The following LGSN variants were observed in gnomAD, a reference collection of about 807,000 sequenced individuals.
LGSN encodes lengsin.
LGSN carries 21 observed loss-of-function variants against 19.5 expected under a neutral mutation model. That is an observed-to-expected ratio of 1.07 (90% CI 0.76 to 1.55). The LOEUF (loss-of-function observed/expected upper bound fraction) is 1.55. Ranked by LOEUF, LGSN falls within the 40% of genes most tolerant of loss-of-function variation. LGSN has a pLI of 0.00. For synonymous variants in LGSN, 257 were observed against 215.6 expected, an observed-to-expected ratio of 1.19 and a Z score of -1.68; for missense variants, 673 against 608.5, an observed-to-expected ratio of 1.11 and a Z score of -1.12.
At chr6:63,543,847 CCAAA>C in the LGSN span, among the ~76,000 whole-genome samples, 101 of 152,240 alleles carry the variant, frequency 6.6e-4, 2 homozygotes, top group Admixed American at 3.4e-3. Context: ...TTTTAGATCC[CCAAA>C]CAAAGTAGAT....
At chr6:63,348,778 G>A in the LGSN span, among the ~76,000 whole-genome samples, 1 of 149,144 alleles carries the variant, frequency 6.7e-6, no homozygotes, top group Non-Finnish European at 1.5e-5. Context: ...TAAAATAGAG[G>A]TGGGGTCTTG....
At chr6:63,347,405 T>C in the LGSN span, among the ~76,000 whole-genome samples, 3 of 152,246 alleles carry the variant, frequency 2.0e-5, no homozygotes, top group African/African-American at 7.2e-5. Flanking sequence ...AGGGTTATAA[T>C]AATATGGTTT....
At chr6:63,390,859 C>CAAAAA in the LGSN span, among the ~76,000 whole-genome samples, 16 of 50,108 alleles carry the variant, frequency 3.2e-4, no homozygotes, top group Admixed American at 4.6e-4. Flanking sequence ...GACTCCATCT[C>CAAAAA]AAAAAAAAAA....
the LGSN span, among the ~76,000 whole-genome samples, chr6:63,535,251 G>C: frequency 6.6e-6 from 1 of 152,098 alleles, no homozygotes; most frequent in Non-Finnish European, 1.5e-5. Context: ...AATCACTTGA[G>C]GCCAGGAGTT....
At chr6:63,356,742 G>A in the LGSN span, among the ~76,000 whole-genome samples, 2 of 152,052 alleles carry the variant, frequency 1.3e-5, no homozygotes, top group Non-Finnish European at 2.9e-5. Context: ...AATATAGGAT[G>A]TTAAGTGCCA....
At chr6:63,400,108 T>A in the LGSN span, among the ~76,000 whole-genome samples, 1 of 152,196 alleles carries the variant, frequency 6.6e-6, no homozygotes, top group African/African-American at 2.4e-5. Flanking sequence ...ATATTCAGTA[T>A]CGTGAAGATG....
At chr6:63,374,607 A>G in the LGSN span, among the ~76,000 whole-genome samples, 1 of 152,226 alleles carries the variant, frequency 6.6e-6, no homozygotes, top group African/African-American at 2.4e-5. Flanking sequence ...ACATTAGTTT[A>G]CTACTGCCAC....
the LGSN span, among the ~76,000 whole-genome samples, chr6:63,333,912 T>C: frequency 6.6e-6 from 1 of 152,344 alleles, no homozygotes; most frequent in Admixed American, 6.5e-5. Context: ...AAGCATTTGA[T>C]AAAATTCAAC....
the LGSN span, among the ~76,000 whole-genome samples, chr6:63,516,484 A>G: frequency 6.6e-6 from 1 of 152,184 alleles, no homozygotes; most frequent in Non-Finnish European, 1.5e-5. Flanking sequence ...AGTTTGAATG[A>G]TCTAGCTTTG....
At chr6:63,571,388 A>C in the LGSN span, 1 of 152,200 alleles carries the variant, frequency 6.6e-6, no homozygotes, top group Non-Finnish European at 1.5e-5. Flanking sequence ...AAGCAGGTAA[A>C]GGTCCTGTTT....
chr6:63,427,319 C>T, the LGSN span, among the ~76,000 whole-genome samples: 6 of 152,186 alleles, frequency 3.9e-5, no homozygotes, highest in Non-Finnish European at 8.8e-5. Context: ...GCTGGGATTA[C>T]AGGCATAAGC....
chr6:63,486,812 A>G, the LGSN span, among the ~76,000 whole-genome samples: 375 of 139,060 alleles, frequency 2.7e-3, 3 homozygotes, highest in African/African-American at 9.9e-3. Context: ...CAGTTTTTGT[A>G]TGTTTATTTT....
chr6:63,315,900 A>G (rs1415802015), intron 1 of LGSN, among the ~76,000 whole-genome samples: 3 of 151,954 alleles, frequency 2.0e-5, no homozygotes, highest in Non-Finnish European at 4.4e-5. Context: ...CCACATTTCA[A>G]GTGAGAGTTC....
chr6:63,458,253 G>A, the LGSN span, among the ~76,000 whole-genome samples: 1 of 152,162 alleles, frequency 6.6e-6, no homozygotes, highest in Non-Finnish European at 1.5e-5. Context: ...TTTTAGTATA[G>A]ACGGGGTCTC....
intron 1 of LGSN, among the ~76,000 whole-genome samples, chr6:63,306,309 A>T (rs1023942668): frequency 6.6e-6 from 1 of 152,236 alleles, no homozygotes; most frequent in Non-Finnish European, 1.5e-5. Context: ...GGTGCTTCCT[A>T]CATCACCATA....
At chr6:63,549,149 C>T in the LGSN span, 3,880 of 685,830 alleles carry the variant, frequency 5.7e-3, 26 homozygotes, top group Middle Eastern at 0.011. Flanking sequence ...CAGCAGCTTT[C>T]TTTTTGGCCA....
chr6:63,280,240 G>T lies in LGSN; in HGVS notation c.1311C>A (p.Val437=), dbSNP rs1463101742. The T allele has an allele frequency of 6.2e-7, 1 of 1,614,096 alleles. No individual in the cohort carries two copies. The highest frequency in any genetic ancestry group is 1.3e-5 in the African/African-American group (1 of 74,926). ...CTGTGCTCTCATCTGGACCAGCCAA[G>T]ACCTCATTACTGCTATGAAGTCCAT... ...GLDGLHSSNE[V]LAGPDESTDF... The change falls in exon 4 of 4, where the codon GTC becomes GTA. Residue 437 remains valine, a synonymous_variant. Coordinates refer to ENST00000370657, the MANE Select transcript of LGSN (RefSeq NM_016571.3).
At chr6:63,456,081 T>A in the LGSN span, among the ~76,000 whole-genome samples, 1 of 149,172 alleles carries the variant, frequency 6.7e-6, no homozygotes, top group African/African-American at 2.5e-5. Flanking sequence ...TACAAAAAAA[T>A]TAGCCAGGTC....
chr6:63,462,443 G>A, the LGSN span, among the ~76,000 whole-genome samples: 2 of 151,978 alleles, frequency 1.3e-5, no homozygotes, highest in Non-Finnish European at 2.9e-5. Context: ...GACCAGCCTG[G>A]GCAACATGAT....
Sources: gnomAD v4.1 joint callset for allele counts (sites outside exome capture counted in the v4.1 genomes callset) on GRCh38, gnomAD v4.1.1 for gene constraint, MANE v1.5 for transcripts, NCBI Gene and HGNC (gene_info 2026-07-23, HGNC 2026-07-21) for gene names.